CAP2: variants seen among roughly 807,000 people sequenced by gnomAD.
CAP2 encodes cyclase associated actin cytoskeleton regulatory protein 2.
Under a neutral mutation model 57.7 loss-of-function variants are expected in CAP2, and 24 were observed. The observed-to-expected ratio is 0.42, with a 90% confidence interval of 0.30 to 0.58. CAP2 has a LOEUF of 0.58. Among genes scored for constraint, CAP2 ranks in the 20% least tolerant of loss-of-function variants. The pLI is 0.22. For synonymous variants in CAP2, 194 were observed against 207.2 expected, an observed-to-expected ratio of 0.94 and a Z score of 0.55; for missense variants, 501 against 590.3, an observed-to-expected ratio of 0.85 and a Z score of 1.57.
At chr6:17,525,051 C>A (rs1450224104) in intron 7 of CAP2, among the ~76,000 whole-genome samples, 1 of 151,878 alleles carries the variant, frequency 6.6e-6, no homozygotes, top group Admixed American at 6.6e-5. Context: ...TGCGCGCCAC[C>A]ACACCTGGCT....
chr6:17,497,525 C>T (rs538857684), intron 4 of CAP2, among the ~76,000 whole-genome samples: 2 of 152,306 alleles, frequency 1.3e-5, no homozygotes, highest in East Asian at 1.9e-4. Context: ...CTCTCCAAAA[C>T]GTCTGGTTTC....
intron 4 of CAP2, among the ~76,000 whole-genome samples, chr6:17,483,430 C>T (rs547184424): frequency 1.4e-4 from 22 of 152,158 alleles, no homozygotes; most frequent in Admixed American, 4.6e-4. Context: ...GTAGAACTGA[C>T]GTAAAAATGA....
intron 1 of CAP2, among the ~76,000 whole-genome samples, chr6:17,402,450 A>G (rs1758842223): frequency 6.6e-6 from 1 of 152,238 alleles, no homozygotes; most frequent in Non-Finnish European, 1.5e-5. Context: ...TTTGCAAATC[A>G]TGTGTTTTCT....
At chr6:17,530,803 T>G in intron 7 of CAP2, 1 of 574,778 alleles carries the variant, frequency 1.7e-6, no homozygotes, top group East Asian at 3.1e-5. Context: ...TTTTTTTCAT[T>G]TTTTTGGTCT....
At chr6:17,420,881 C>T (rs1018186865) in intron 1 of CAP2, among the ~76,000 whole-genome samples, 2 of 152,036 alleles carry the variant, frequency 1.3e-5, no homozygotes, top group Non-Finnish European at 2.9e-5. Context: ...TTGAATTTCA[C>T]GTATTTTTCT....
chr6:17,545,586 T>A (rs921222306), intron 11 of CAP2, among the ~76,000 whole-genome samples: 3 of 152,296 alleles, frequency 2.0e-5, no homozygotes, highest in Non-Finnish European at 2.9e-5. Flanking sequence ...CTAGGGTACA[T>A]GTGCACAATG....
At chr6:17,410,259 A>T (rs1349160022) in intron 1 of CAP2, among the ~76,000 whole-genome samples, 1 of 152,092 alleles carries the variant, frequency 6.6e-6, no homozygotes, top group Non-Finnish European at 1.5e-5. Context: ...AGTAATTCTC[A>T]AAGTGTGGGC....
At chr6:17,445,540 T>C (rs1400887468) in intron 3 of CAP2, among the ~76,000 whole-genome samples, 1 of 152,196 alleles carries the variant, frequency 6.6e-6, no homozygotes, top group Non-Finnish European at 1.5e-5. Context: ...AAGAAATGAC[T>C]TTGGAGTCTG....
At chr6:17,523,476 T>A (rs1762435617) in intron 7 of CAP2, among the ~76,000 whole-genome samples, 1 of 152,108 alleles carries the variant, frequency 6.6e-6, no homozygotes, top group African/African-American at 2.4e-5. Context: ...CCGATGTACG[T>A]GTTGGGAGTC....
At chr6:17,420,514 G>T (rs1189411116) in intron 1 of CAP2, among the ~76,000 whole-genome samples, 1 of 152,154 alleles carries the variant, frequency 6.6e-6, no homozygotes, top group Non-Finnish European at 1.5e-5. Flanking sequence ...CCTGGGCAGG[G>T]TTGTTTGGTT....
Position 17,513,861 on chromosome 6 carries a change from T to C in CAP2, c.543T>C (p.His181=). 1 of 1,610,514 alleles carries C rather than the reference T, an allele frequency of 6.2e-7. No homozygotes were observed. Among genetic ancestry groups the C allele is most frequent in the South Asian group, 1.1e-5 (1 of 90,994 alleles). The change falls in exon 7 of 13, where the codon CAT becomes CAC. Residue 181 remains histidine, a synonymous_variant. Transcript: ENST00000229922. The surrounding 1 kb of genome is among the most constrained non-coding windows in gnomAD (Gnocchi z 4.3). ...LKDYKHSDLR[H]VDWVKSYLNI... ...TTTCACAACAAAGTGATTTGCGTCA[T>C]GTGGATTGGGTGAAGTCATATTTGA...
chr6:17,424,096 G>A (rs898250120), intron 2 of CAP2, among the ~76,000 whole-genome samples: 1 of 151,928 alleles, frequency 6.6e-6, no homozygotes, highest in Non-Finnish European at 1.5e-5. Context: ...AATTTTAAAA[G>A]AAACTTGAAA....
At chr6:17,479,145 C>T (rs142666920) in intron 4 of CAP2, among the ~76,000 whole-genome samples, 55 of 152,274 alleles carry the variant, frequency 3.6e-4, no homozygotes, top group African/African-American at 1.3e-3. Flanking sequence ...TCTTGCTCCA[C>T]GGCCCTGGGC....
chr6:17,461,031 C>T (rs191516268), intron 3 of CAP2, among the ~76,000 whole-genome samples: 1 of 152,150 alleles, frequency 6.6e-6, no homozygotes, highest in African/African-American at 2.4e-5. Flanking sequence ...CGCCTGTGGC[C>T]CCAACTACTC....
intron 2 of CAP2, among the ~76,000 whole-genome samples, chr6:17,421,924 C>G (rs972424393): frequency 1.8e-4 from 28 of 152,230 alleles, no homozygotes; most frequent in African/African-American, 6.8e-4. Flanking sequence ...GCTCTATCAC[C>G]CAGGCTGGAG....
At position 17,431,725 on chromosome 6, in the gene CAP2, A is replaced by T. The variant is rs188450888; in HGVS notation, c.222+5035A>T. Among the ~76,000 whole-genome samples, 459 of 152,238 alleles carry T rather than the reference A, an allele frequency of 3.0e-3. 9 individuals carry two copies. The highest frequency in any genetic ancestry group is 0.028 in the Admixed American group (421 of 15,276). On this transcript the variant is annotated intron_variant, in intron 3 of 12. Coordinates refer to ENST00000229922, the MANE Select transcript of CAP2 (RefSeq NM_006366.3). ...GAGTGGCCCTGCTTTTGACAGCATGACCTTGAGCTAGTCCCTTCATCTGCT... is the reference window on the plus strand; with the variant it reads ...GAGTGGCCCTGCTTTTGACAGCATGTCCTTGAGCTAGTCCCTTCATCTGCT...
chr6:17,530,498 G>T (rs1369390377), intron 7 of CAP2, among the ~76,000 whole-genome samples: 4 of 152,112 alleles, frequency 2.6e-5, no homozygotes, highest in Middle Eastern at 3.2e-3. Context: ...TTCAGAGATG[G>T]GCAGTTAAAG....
chr6:17,544,447 A>C (rs1762992772), intron 11 of CAP2, among the ~76,000 whole-genome samples: 1 of 152,226 alleles, frequency 6.6e-6, no homozygotes, highest in Non-Finnish European at 1.5e-5. Flanking sequence ...AAAATCTGTG[A>C]ATTAAAATAT....
rs1476647661 is a variant in CAP2 at position 17,556,741 on chromosome 6, C to A, written c.*299C>A. 3.1e-6 allele frequency: 1 copy of A among 322,844 alleles called. No individual in the cohort carries two copies. The highest frequency in any genetic ancestry group is 5.3e-5 in the East Asian group (1 of 18,898). The allele number at this position is 322,844 out of a possible 1,614,324, so 20.0% of individuals were successfully genotyped here. A position where few individuals can be genotyped will look rare whatever the true frequency, so the allele number is the denominator to read the frequency against. On this transcript the variant is annotated 3_prime_UTR_variant, in exon 13 of 13. Transcript: ENST00000229922. ...TCCCCTCATATCATGAACACAGTAACTGATAGGTAAAAAGACTGCATGATT... is the reference window on the plus strand; with the variant it reads ...TCCCCTCATATCATGAACACAGTAAATGATAGGTAAAAAGACTGCATGATT...
Sources: allele counts gnomAD v4.1 joint callset (sites outside exome capture counted in the v4.1 genomes callset), GRCh38; gene constraint gnomAD v4.1.1; non-coding constraint Gnocchi (gnomAD v3.1); transcripts MANE v1.5; gene names NCBI Gene and HGNC (gene_info 2026-07-23, HGNC 2026-07-21).